Variants in CHST9 observed in about 807,000 individuals in gnomAD.
CHST9 encodes the protein GalNAc-4-sulfotransferase 2.
A neutral mutation model predicts 44.4 loss-of-function variants in CHST9; 41 were observed. That is an observed-to-expected ratio of 0.92 (90% CI 0.72 to 1.20). The LOEUF (loss-of-function observed/expected upper bound fraction) is 1.20. CHST9 is among the 50% of genes most tolerant of loss of function. The probability of loss-of-function intolerance (pLI) is 0.00; values close to 1 mark genes in which losing one functional copy is unlikely to be tolerated. For missense variants in CHST9, 504 were observed against 516.5 expected, an observed-to-expected ratio of 0.98 and a Z score of 0.23; for synonymous variants, 171 against 178.4, an observed-to-expected ratio of 0.96 and a Z score of 0.33.
chr18:27,117,074 A>T (rs562272680), intron 2 of CHST9, among the ~76,000 whole-genome samples: 2 of 151,948 alleles, frequency 1.3e-5, no homozygotes, highest in South Asian at 4.2e-4. Context: ...TATACGTTTC[A>T]TATGAAATTT....
intron 1 of CHST9, among the ~76,000 whole-genome samples, chr18:27,151,207 T>C (rs992515930): frequency 6.6e-6 from 1 of 152,192 alleles, no homozygotes; most frequent in African/African-American, 2.4e-5. Context: ...TCTATTTTAA[T>C]ACTGTGTAAT....
chr18:26,912,633 T>C lies in CHST9; in HGVS notation c.*3626A>G, dbSNP rs1336117218. 6.6e-6 allele frequency: 1 copy of C among 152,246 alleles called. No homozygotes were observed. Among genetic ancestry groups the C allele is most frequent in the Non-Finnish European group, 1.5e-5 (1 of 68,046 alleles). 9.4% of individuals were successfully genotyped at this position (152,246 alleles called of 1,614,324 possible). A position where few individuals can be genotyped will look rare whatever the true frequency, so the allele number is the denominator to read the frequency against. ...CAAGTTACTCAGCTATAGTCTGCTT[T>C]ACTTTCCTTTATGATAGATGGAAAG... On this transcript the variant is annotated 3_prime_UTR_variant, in exon 6 of 6. Coordinates refer to ENST00000618847, the MANE Select transcript of CHST9 (RefSeq NM_031422.6).
At chr18:27,148,034 G>A (rs944556015) in intron 1 of CHST9, among the ~76,000 whole-genome samples, 1 of 151,800 alleles carries the variant, frequency 6.6e-6, no homozygotes, top group Non-Finnish European at 1.5e-5. Flanking sequence ...CCCTCTGATA[G>A]GCTCCAGTGT....
chr18:27,046,988 T>C (rs1288859761), intron 3 of CHST9, among the ~76,000 whole-genome samples: 1 of 152,098 alleles, frequency 6.6e-6, no homozygotes, highest in African/African-American at 2.4e-5. Flanking sequence ...TTGAAAAGTG[T>C]TTTATTAAGC....
intron 2 of CHST9, among the ~76,000 whole-genome samples, chr18:27,106,107 T>C (rs2058219030): frequency 6.6e-6 from 1 of 152,172 alleles, no homozygotes; most frequent in Non-Finnish European, 1.5e-5. Context: ...GATTTAGCAA[T>C]TTATAACCTT....
intron 2 of CHST9, among the ~76,000 whole-genome samples, chr18:27,126,361 T>C (rs530474037): frequency 2.0e-5 from 3 of 152,310 alleles, no homozygotes; most frequent in African/African-American, 7.2e-5. Flanking sequence ...GTTCCCCCAG[T>C]GCCGCCATCA....
chr18:27,142,952 A>T (rs1435322040), intron 1 of CHST9, 47 bp from the exon 2 acceptor site: 5 of 683,758 alleles, frequency 7.3e-6, no homozygotes, highest in Non-Finnish European at 1.2e-5. Context: ...TGCTAATATT[A>T]ATTCTCAAAT....
chr18:27,076,968 C>T (rs899971142), intron 2 of CHST9, among the ~76,000 whole-genome samples: 24 of 152,160 alleles, frequency 1.6e-4, no homozygotes, highest in Non-Finnish European at 2.5e-4. Flanking sequence ...TCATACAAGG[C>T]ATAACTGCAA....
intron 1 of CHST9, among the ~76,000 whole-genome samples, chr18:27,144,155 C>G (rs1026857356): frequency 1.3e-5 from 2 of 152,078 alleles, no homozygotes; most frequent in Non-Finnish European, 2.9e-5. Context: ...GAACACAACC[C>G]CTCTGGGTGA....
At chr18:27,169,051 C>A (rs979423348) in intron 1 of CHST9, among the ~76,000 whole-genome samples, 7 of 152,114 alleles carry the variant, frequency 4.6e-5, no homozygotes, top group African/African-American at 1.7e-4. Context: ...CAGAATTCTG[C>A]CCACAAGTTC....
intron 5 of CHST9, among the ~76,000 whole-genome samples, chr18:26,918,061 T>C (rs931319977): frequency 1.3e-5 from 2 of 152,144 alleles, no homozygotes; most frequent in African/African-American, 2.4e-5. Flanking sequence ...TGTATCAAGG[T>C]AGAGCAAAAA....
chr18:26,919,520 A>G (rs531349192), intron 5 of CHST9, among the ~76,000 whole-genome samples: 17 of 152,326 alleles, frequency 1.1e-4, no homozygotes, highest in Admixed American at 2.0e-4. Context: ...ACACTGCTAT[A>G]AATAATAACT....
chr18:26,941,620 C>A (rs1440096220), intron 5 of CHST9, among the ~76,000 whole-genome samples: 1 of 151,780 alleles, frequency 6.6e-6, no homozygotes, highest in Non-Finnish European at 1.5e-5. Context: ...CAGCATTGAA[C>A]TGCCAAAGAG....
intron 4 of CHST9, among the ~76,000 whole-genome samples, chr18:26,984,026 T>C (rs891104449): frequency 6.6e-6 from 1 of 152,172 alleles, no homozygotes; most frequent in Non-Finnish European, 1.5e-5. Context: ...GGTTTTTCAC[T>C]ACAAAAATAT....
At chr18:27,113,299 T>C (rs1374662304) in intron 2 of CHST9, among the ~76,000 whole-genome samples, 1 of 152,288 alleles carries the variant, frequency 6.6e-6, no homozygotes, top group South Asian at 2.1e-4. Flanking sequence ...AATAATTCAT[T>C]TTAGTCAAAT....
chr18:27,067,610 T>C (rs1568158795), intron 2 of CHST9, among the ~76,000 whole-genome samples: 1 of 152,108 alleles, frequency 6.6e-6, no homozygotes, highest in Non-Finnish European at 1.5e-5. Context: ...TTGAGGAGGA[T>C]TTACAGTTCT....
chr18:27,072,481 A>C (rs1424272455), intron 2 of CHST9, among the ~76,000 whole-genome samples: 1 of 152,062 alleles, frequency 6.6e-6, no homozygotes, highest in Non-Finnish European at 1.5e-5. Context: ...TTGCTGATGA[A>C]ATGCTTTAAG....
chr18:27,118,441 T>C (rs1207150683), intron 2 of CHST9, among the ~76,000 whole-genome samples: 1 of 152,246 alleles, frequency 6.6e-6, no homozygotes, highest in Admixed American at 6.5e-5. Context: ...AGTAAGTTTA[T>C]AAGCATCTTC....
At chr18:27,007,007 G>A (rs1271187540) in intron 4 of CHST9, among the ~76,000 whole-genome samples, 1 of 152,146 alleles carries the variant, frequency 6.6e-6, no homozygotes, top group African/African-American at 2.4e-5. Flanking sequence ...GTATATGCGT[G>A]TGTGGGCATT....
Sources: allele counts gnomAD v4.1 joint callset (sites outside exome capture counted in the v4.1 genomes callset), GRCh38; gene constraint gnomAD v4.1.1; transcripts MANE v1.5; gene names NCBI Gene and HGNC (gene_info 2026-07-23, HGNC 2026-07-21).